Variants in HACD2 observed in about 807,000 individuals in gnomAD.
The protein encoded by HACD2 is very-long-chain (3R)-3-hydroxyacyl-CoA dehydratase 2.
HACD2 carries 15 observed loss-of-function variants against 31.0 expected under a neutral mutation model. That is an observed-to-expected ratio of 0.48 (90% CI 0.32 to 0.75). The LOEUF is 0.75. Among genes scored for constraint, HACD2 ranks in the 30% least tolerant of loss-of-function variants. HACD2 has a pLI of 0.03. For synonymous variants in HACD2, 115 were observed against 122.2 expected (o/e 0.94, Z 0.39); for missense variants, 283 against 313.0 (o/e 0.90, Z 0.72).
chr3:123,550,817 G>C (rs1160523998), intron 3 of HACD2, among the ~76,000 whole-genome samples: 1 of 152,200 alleles, frequency 6.6e-6, no homozygotes, highest in Non-Finnish European at 1.5e-5. Context: ...TGAAGCTGTG[G>C]GAAGGTACAG....
At chr3:123,497,771 G>A (rs1306897653) in intron 6 of HACD2, among the ~76,000 whole-genome samples, 2 of 152,150 alleles carry the variant, frequency 1.3e-5, no homozygotes, top group Non-Finnish European at 2.9e-5. Flanking sequence ...CCAATATGAG[G>A]AAACTCCTGG....
chr3:123,522,210 T>C (rs374537804), intron 4 of HACD2, among the ~76,000 whole-genome samples: 2 of 151,914 alleles, frequency 1.3e-5, no homozygotes. Flanking sequence ...TCCCAGCTAC[T>C]CAGGAGGCCA....
At chr3:123,519,014 A>G (rs1049817053) in intron 4 of HACD2, among the ~76,000 whole-genome samples, 1 of 151,206 alleles carries the variant, frequency 6.6e-6, no homozygotes, top group South Asian at 2.1e-4. Context: ...AAAAAAAAAA[A>G]AAAAAAGCAG....
chr3:123,499,408 C>T, intron 6 of HACD2: 2 of 245,960 alleles, frequency 8.1e-6, no homozygotes, highest in Non-Finnish European at 1.7e-5. Context: ...GCTATGATTC[C>T]AGCACTAGAG....
chr3:123,572,534 A>T (rs1455178668), intron 2 of HACD2, among the ~76,000 whole-genome samples: 1 of 152,138 alleles, frequency 6.6e-6, no homozygotes, highest in Admixed American at 6.6e-5. Context: ...AATATGAACC[A>T]TAAACTCCTC....
At chr3:123,514,066 G>C (rs1044759135) in intron 4 of HACD2, among the ~76,000 whole-genome samples, 1 of 152,160 alleles carries the variant, frequency 6.6e-6, no homozygotes, top group African/African-American at 2.4e-5. Context: ...CTTGAGCCCA[G>C]CAGTTCAAGA....
chr3:123,540,552 TTC>T (rs2056477228), intron 3 of HACD2, among the ~76,000 whole-genome samples: 2 of 152,206 alleles, frequency 1.3e-5, no homozygotes, highest in South Asian at 4.1e-4. Context: ...ATAGATGTCA[TTC>T]TCTGAGAGGA....
At chr3:123,546,195 C>T (rs1002816963) in intron 3 of HACD2, among the ~76,000 whole-genome samples, 5 of 152,114 alleles carry the variant, frequency 3.3e-5, no homozygotes, top group African/African-American at 1.2e-4. Context: ...CTTCTGGATT[C>T]CAACACTAAA....
In HACD2 at chr3:123,494,829, C is replaced by T. The variant is rs1487159807; in HGVS notation, c.*59G>A. ...GAAACGTATTGGGAACTCAAAAAAT[C>T]TGCAGCATTTTTTGATCATTGAAAA... On this transcript the variant is annotated 3_prime_UTR_variant, in exon 7 of 7. Transcript: ENST00000383657. The T allele has an allele frequency of 3.6e-6, 4 of 1,124,430 alleles. No individual in the cohort carries two copies. The highest frequency in any genetic ancestry group is 5.2e-6 in the Non-Finnish European group (4 of 765,358). 69.7% of individuals were successfully genotyped at this position (1,124,430 alleles called of 1,614,324 possible). A position where few individuals can be genotyped will look rare whatever the true frequency, so the allele number is the denominator to read the frequency against.
chr3:123,581,128 G>A (rs1319445981), intron 2 of HACD2, among the ~76,000 whole-genome samples: 4 of 152,120 alleles, frequency 2.6e-5, no homozygotes, highest in African/African-American at 9.7e-5. Context: ...CGAGATAAAT[G>A]ATTTTTTCTT....
intron 3 of HACD2, among the ~76,000 whole-genome samples, chr3:123,565,565 C>A (rs948437110): frequency 2.6e-5 from 4 of 152,158 alleles, no homozygotes; most frequent in Admixed American, 2.0e-4. Flanking sequence ...GAATTCCCAG[C>A]CCCCAGAACT....
intron 2 of HACD2, among the ~76,000 whole-genome samples, chr3:123,573,332 G>A (rs2056874855): frequency 6.6e-6 from 1 of 152,026 alleles, no homozygotes; most frequent in Non-Finnish European, 1.5e-5. Context: ...ATTACTGGGG[G>A]AAAACACCTT....
chr3:123,547,794 T>G (rs925142463), intron 3 of HACD2, among the ~76,000 whole-genome samples: 2 of 152,156 alleles, frequency 1.3e-5, no homozygotes. Flanking sequence ...TACTAAAAGT[T>G]AACATCTACT....
chr3:123,575,462 A>G (rs1415250534), intron 2 of HACD2, among the ~76,000 whole-genome samples: 1 of 152,188 alleles, frequency 6.6e-6, no homozygotes, highest in Non-Finnish European at 1.5e-5. Context: ...CCCACTAGCC[A>G]CATTTTAAGT....
At chr3:123,535,814 A>G (rs541235544) in intron 3 of HACD2, among the ~76,000 whole-genome samples, 1 of 152,320 alleles carries the variant, frequency 6.6e-6, no homozygotes, top group African/African-American at 2.4e-5. Context: ...CAACAGGGCA[A>G]TTAAATCTCA....
At chr3:123,515,764 G>GT (rs1249125683) in intron 4 of HACD2, among the ~76,000 whole-genome samples, 39 of 150,686 alleles carry the variant, frequency 2.6e-4, no homozygotes, top group South Asian at 6.3e-4. Context: ...GGGGTTTTTT[G>GT]TTTTTTTTTG....
intron 3 of HACD2, among the ~76,000 whole-genome samples, chr3:123,537,465 T>G (rs1450747403): frequency 6.6e-6 from 1 of 151,682 alleles, no homozygotes; most frequent in African/African-American, 2.4e-5. Context: ...CTACTCAGGT[T>G]GAGGTGGGAG....
At chr3:123,528,611 A>G (rs2056313965) in intron 3 of HACD2, 137 bp from the exon 4 acceptor site, 1 of 608,332 alleles carries the variant, frequency 1.6e-6, no homozygotes, top group African/African-American at 1.9e-5. Context: ...ATATTGTTAC[A>G]CAGACTAAGT....
rs765817322 is a variant in HACD2 at position 123,500,539 on chromosome 3, G to C, written c.658C>G (p.Leu220Val). 6.2e-7 allele frequency: 1 copy of C among 1,605,312 alleles called. No individual in the cohort carries two copies. Among genetic ancestry groups the C allele is most frequent in the Admixed American group, 1.7e-5 (1 of 59,316 alleles). ...CTTGGAATGTAGGAGATCATTATTA[G>C]AATCAGGAATGCATAGTAGTCAAAA... ...FSFDYYAFLILIMISYIPIFP... is the reference protein window; with the variant it reads ...FSFDYYAFLIVIMISYIPIFP... The change falls in exon 6 of 7, where the codon CTA becomes GTA. Residue 220 changes from leucine to valine, a missense_variant. Physicochemically the swap from Leu to Val is conservative, Grantham distance 32. Around this residue, in one of 3 missense-constraint regions of HACD2, gnomAD observed 85 missense variants for 129.6 expected, o/e 0.66. Transcript: ENST00000383657.
Sources: allele counts gnomAD v4.1 joint callset (sites outside exome capture counted in the v4.1 genomes callset), GRCh38; gene constraint gnomAD v4.1.1; regional missense constraint gnomAD v4.1.1; transcripts MANE v1.5; gene names NCBI Gene and HGNC (gene_info 2026-07-23, HGNC 2026-07-21).